The following FOXN3 variants were observed in gnomAD, a reference collection of about 807,000 sequenced individuals.
FOXN3 encodes the protein forkhead box N3.
In FOXN3, 7 loss-of-function variants were observed where a neutral mutation model predicts 38.4. That is an observed-to-expected ratio of 0.18 (90% CI 0.10 to 0.34). FOXN3 has a LOEUF of 0.34. FOXN3 is among the 10% of genes least tolerant of loss of function. The probability of loss-of-function intolerance (pLI) is 1.00; values close to 1 mark genes in which losing one functional copy is unlikely to be tolerated. For missense variants in FOXN3, 456 were observed against 613.4 expected, an observed-to-expected ratio of 0.74 and a Z score of 2.71; for synonymous variants, 230 against 242.2, an observed-to-expected ratio of 0.95 and a Z score of 0.47.
chr14:89,607,664 C>T (rs1222516881), intron 1 of FOXN3, among the ~76,000 whole-genome samples: 1 of 151,936 alleles, frequency 6.6e-6, no homozygotes, highest in Non-Finnish European at 1.5e-5. Context: ...AAGAGGATGA[C>T]CAGGCTAACA....
chr14:89,303,784 C>T (rs1293108232), intron 3 of FOXN3, among the ~76,000 whole-genome samples: 2 of 152,234 alleles, frequency 1.3e-5, no homozygotes, highest in African/African-American at 4.8e-5. Flanking sequence ...ATCTATACAT[C>T]GCCTTCTTCT....
chr14:89,364,050 T>C (rs1009485123), intron 2 of FOXN3, among the ~76,000 whole-genome samples: 10 of 146,362 alleles, frequency 6.8e-5, no homozygotes, highest in African/African-American at 2.6e-4. Flanking sequence ...TGAAGGCCCT[T>C]CATTTTCTAA....
At chr14:89,576,521 G>A (rs1292465081) in intron 1 of FOXN3, 4 of 133,064 alleles carry the variant, frequency 3.0e-5, no homozygotes, top group African/African-American at 1.1e-4. Flanking sequence ...ACCTTTGTCA[G>A]AAATGCTGTT....
rs1384859197 is a variant in FOXN3 at position 89,176,999 on chromosome 14, CTCTT to C, written c.851+3698_851+3701del. The stretch of plus-strand genomic sequence containing the variant: ...TTTTCTTTACTGGTTATCTCTCTCT[CTCTT>C]TCTTTCTTTTTTTTTTTTTTTTTTT... On this transcript the variant is annotated intron_variant, in intron 5 of 5. Coordinates refer to ENST00000557258, the MANE Select transcript of FOXN3 (RefSeq NM_005197.4). Among the ~76,000 whole-genome samples, 22 of 140,060 alleles carry C rather than the reference CTCTT, an allele frequency of 1.6e-4. No individual in the cohort carries two copies. In the South Asian group the frequency reaches 2.7e-3, roughly 17 times the overall value. 91.9% of individuals were successfully genotyped at this position (140,060 alleles called of 152,430 possible).
intron 2 of FOXN3, among the ~76,000 whole-genome samples, chr14:89,385,762 A>G (rs927071527): frequency 2.0e-5 from 3 of 152,238 alleles, no homozygotes; most frequent in African/African-American, 7.2e-5. Context: ...AGCCAAGATC[A>G]TGCCATTGCA....
intron 1 of FOXN3, among the ~76,000 whole-genome samples, chr14:89,555,250 A>G (rs1440113718): frequency 6.6e-6 from 1 of 152,234 alleles, no homozygotes; most frequent in Non-Finnish European, 1.5e-5. Context: ...TGTAGGATAA[A>G]TATCAAGAAA....
At chr14:89,193,125 T>C (rs750284223) in intron 4 of FOXN3, among the ~76,000 whole-genome samples, 2 of 152,024 alleles carry the variant, frequency 1.3e-5, no homozygotes, top group African/African-American at 2.4e-5. Context: ...GTCTCTGCCA[T>C]TATTGAGAAC....
chr14:89,217,176 C>T lies in FOXN3; in HGVS notation c.746-36370G>A, dbSNP rs533713683. Among the ~76,000 whole-genome samples, 10 of 152,282 alleles carry T rather than the reference C, an allele frequency of 6.6e-5. No individual in the cohort carries two copies. The South Asian group carries it at 1.5e-3, about 22-fold the overall frequency. On this transcript the variant is annotated intron_variant, in intron 4 of 5. Coordinates refer to ENST00000557258, the MANE Select transcript of FOXN3 (RefSeq NM_005197.4). Reference sequence around the variant, plus strand: ...TTGAGACAGGGTCTCACTCTGTCATCGAGGCTGGAGTGCAGTGCTGCGATC... The same window carrying T: ...TTGAGACAGGGTCTCACTCTGTCATTGAGGCTGGAGTGCAGTGCTGCGATC...
intron 1 of FOXN3, among the ~76,000 whole-genome samples, chr14:89,444,813 A>G (rs1305033175): frequency 2.0e-5 from 3 of 152,140 alleles, no homozygotes; most frequent in Admixed American, 1.3e-4. Flanking sequence ...GGCAGTTCAG[A>G]GCAGAGATTT....
chr14:89,411,866 T>C, intron 2 of FOXN3, 68 bp downstream of exon 2: 2 of 1,089,492 alleles, frequency 1.8e-6, no homozygotes, highest in Non-Finnish European at 2.5e-6. Flanking sequence ...AAATTCATTT[T>C]TAATAGAGAA....
intron 1 of FOXN3, among the ~76,000 whole-genome samples, chr14:89,508,431 A>G (rs1893993406): frequency 6.6e-6 from 1 of 152,228 alleles, no homozygotes; most frequent in Non-Finnish European, 1.5e-5. Flanking sequence ...ACAGAGCCAG[A>G]GTATCAGCTC....
chr14:89,599,034 C>T (rs1306999305), intron 1 of FOXN3, among the ~76,000 whole-genome samples: 2 of 152,142 alleles, frequency 1.3e-5, no homozygotes, highest in Non-Finnish European at 2.9e-5. Flanking sequence ...TCCAGTTACA[C>T]ATATATTAGG....
At chr14:89,284,510 T>C (rs1324808603) in intron 3 of FOXN3, 1 of 456,048 alleles carries the variant, frequency 2.2e-6, no homozygotes, top group East Asian at 6.9e-5. Flanking sequence ...ACTAAACTCT[T>C]AGTCATCCTT....
intron 4 of FOXN3, among the ~76,000 whole-genome samples, chr14:89,205,554 C>T (rs1888359413): frequency 6.6e-6 from 1 of 152,254 alleles, no homozygotes; most frequent in Admixed American, 6.5e-5. Context: ...CATCGACCGA[C>T]ACCAACAGAC....
intron 1 of FOXN3, among the ~76,000 whole-genome samples, chr14:89,508,277 C>A (rs750443128): frequency 1.3e-5 from 2 of 152,190 alleles, no homozygotes; most frequent in Admixed American, 6.5e-5. Flanking sequence ...TCAAAGCATA[C>A]GCCCTGCTGA....
intron 3 of FOXN3, among the ~76,000 whole-genome samples, chr14:89,336,055 G>A (rs747202112): frequency 4.6e-5 from 7 of 151,070 alleles, no homozygotes; most frequent in African/African-American, 1.2e-4. Flanking sequence ...TTAAACAAAC[G>A]TATAAATAAT....
intron 4 of FOXN3, among the ~76,000 whole-genome samples, chr14:89,205,165 G>A (rs1371163898): frequency 1.3e-5 from 2 of 150,260 alleles, no homozygotes; most frequent in African/African-American, 4.9e-5. Context: ...AAAAAAAAAA[G>A]GCAAGTTCCT....
intron 4 of FOXN3, among the ~76,000 whole-genome samples, chr14:89,266,858 A>G (rs1885994588): frequency 6.6e-6 from 1 of 152,118 alleles, no homozygotes; most frequent in Non-Finnish European, 1.5e-5. Flanking sequence ...AGGCCCTAAA[A>G]CAAAAGAGAC....
rs533895154 is a variant in FOXN3 at position 89,431,264 on chromosome 14, G to A, written c.-14-18774C>T. On this transcript the variant is annotated intron_variant, in intron 1 of 6. Transcript: ENST00000345097. ...CAGGCTGGATGGAGTGCAGTGTTGTGATTTCAGCTCACTGCAACTTCTTCA... is the reference window on the plus strand; with the variant it reads ...CAGGCTGGATGGAGTGCAGTGTTGTAATTTCAGCTCACTGCAACTTCTTCA... 2.0e-5 allele frequency among the ~76,000 whole-genome samples: 3 copies of A among 152,226 alleles called. No individual in the cohort carries two copies. The East Asian group carries it at 5.8e-4, about 29-fold the overall frequency.
Sources: allele counts gnomAD v4.1 joint callset (sites outside exome capture counted in the v4.1 genomes callset), GRCh38; gene constraint gnomAD v4.1.1; transcripts MANE v1.5; gene names NCBI Gene and HGNC (gene_info 2026-07-23, HGNC 2026-07-21).